Variants in CEP170B observed in about 807,000 individuals in gnomAD.
CEP170B encodes the protein centrosomal protein 170B.
A neutral mutation model predicts 120.6 loss-of-function variants in CEP170B; 55 were observed. That is an observed-to-expected ratio of 0.46 (90% CI 0.37 to 0.57). CEP170B has a LOEUF of 0.57. CEP170B is among the 20% of genes least tolerant of loss of function. The pLI is 0.00. For missense variants in CEP170B, 2,212 were observed against 2,253.3 expected, an observed-to-expected ratio of 0.98 and a Z score of 0.37; for synonymous variants, 1,033 against 954.5, an observed-to-expected ratio of 1.08 and a Z score of -1.52.
chr14:104,892,304 T>C (rs1896884833), intron 13 of CEP170B, among the ~76,000 whole-genome samples: 2 of 152,042 alleles, frequency 1.3e-5, no homozygotes, highest in South Asian at 2.1e-4. Flanking sequence ...CTGGGAAGTG[T>C]CTGTTACCTC....
Position 104,889,702 on chromosome 14 carries a change from G to A in CEP170B, c.3822G>A (p.Glu1274=), listed in dbSNP as rs200198379. The A allele has an allele frequency of 7.8e-5, 126 of 1,612,144 alleles. No individual in the cohort carries two copies. Among genetic ancestry groups the A allele is most frequent in the Middle Eastern group, 3.3e-4 (2 of 6,060 alleles). The change falls in exon 13 of 19, where the codon GAG becomes GAA. Residue 1274 remains glutamate (E), a synonymous_variant. Transcript: ENST00000414716. ...PGPRDTDDDE[E]EPDPYGFIVQ... is the part of the protein sequence containing the mutation. ...CCCGGGACACGGACGACGATGAGGA[G>A]GAGCCTGACCCTTATGGTTTCATCG... is the stretch of plus-strand genomic sequence containing the variant.
intron 13 of CEP170B, among the ~76,000 whole-genome samples, 188 bp downstream of exon 13, chr14:104,889,946 AT>A (rs1566872497): frequency 9.7e-5 from 5 of 51,384 alleles, no homozygotes; most frequent in Non-Finnish European, 1.6e-4. Context: ...GGATGGATGG[AT>A]GGATGAATGG....
In CEP170B at chr14:104,894,984, C is replaced by T; in HGVS notation, c.*26C>T. On this transcript the variant is annotated 3_prime_UTR_variant, in exon 19 of 19. Coordinates refer to ENST00000414716, the MANE Select transcript of CEP170B (RefSeq NM_001112726.3). ...GCCCCAGACCTGGCCAGGCCAGCCT[C>T]CCTGTGCGTGTGCGTCTCTGCCTTC... The T allele has an allele frequency of 6.6e-7, 1 of 1,520,848 alleles. No individual in the cohort carries two copies. Among genetic ancestry groups the T allele is most frequent in the African/African-American group, 1.4e-5 (1 of 72,738 alleles). The allele number at this position is 1,520,848 out of a possible 1,614,324, so 94.2% of individuals were successfully genotyped here.
At chr14:104,869,181 A>G (rs1895345498) in intron 2 of CEP170B, among the ~76,000 whole-genome samples, 1 of 152,198 alleles carries the variant, frequency 6.6e-6, no homozygotes, top group South Asian at 2.1e-4. Flanking sequence ...AACAAAGAGC[A>G]GGGGTGGTGA....
chr14:104,889,412 CCTGCAGCA>C, intron 12 of CEP170B, 200 bp from the exon 13 acceptor site: 1 of 1,309,828 alleles, frequency 7.6e-7, no homozygotes, highest in Non-Finnish European at 1.0e-6. Flanking sequence ...GCTGCCCAGC[CCTGCAGCA>C]CTGAGCCCTC....
intron 10 of CEP170B, 78 bp downstream of exon 10, chr14:104,885,620 G>A: frequency 6.7e-7 from 1 of 1,487,342 alleles, no homozygotes; most frequent in Non-Finnish European, 8.9e-7. Flanking sequence ...GGGGTCAGCG[G>A]GCCCCCCATG....
chr14:104,885,265 C>A, intron 9 of CEP170B, 104 bp from the exon 10 acceptor site: 1 of 1,335,386 alleles, frequency 7.5e-7, no homozygotes, highest in Non-Finnish European at 1.0e-6. Flanking sequence ...TCTGGCCAAC[C>A]AGGTCCCTGC....
Position 104,876,343 on chromosome 14 carries a change from G to A in CEP170B, c.193G>A (p.Gly65Arg). 6.4e-7 allele frequency: 1 copy of A among 1,550,788 alleles called. No homozygotes were observed. Among genetic ancestry groups the A allele is most frequent in the Non-Finnish European group, 8.7e-7 (1 of 1,146,758 alleles). The change falls in exon 3 of 19, where the codon GGG becomes AGG. Residue 65 changes from glycine (G) to arginine (R), a missense_variant and splice_region_variant. By Grantham distance (125) the Gly-to-Arg change is moderately radical (BLOSUM62 -2). This residue lies in a region of CEP170B where 2,166 missense variants were observed against 2,166.7 expected (regional missense o/e 1.00). Transcript: ENST00000414716. The stretch of plus-strand genomic sequence containing the variant: ...GGTGAAGGACCTGGGCAGCCTCAAT[G>A]GGGTAAGTGTGAGAGGCCCTGGCCT... Reference protein sequence around the residue: ...HWVKDLGSLNGTFVNDMRIPD... With the variant: ...HWVKDLGSLNRTFVNDMRIPD...
At position 104,884,090 on chromosome 14, in the gene CEP170B, C is replaced by T. The variant is rs1341432351; in HGVS notation, c.1311C>T (p.Gly437=). 1 of 1,592,944 alleles carries T rather than the reference C, an allele frequency of 6.3e-7. No homozygotes were observed. The highest frequency in any genetic ancestry group is 2.3e-5 in the East Asian group (1 of 44,060). ...ACCCCAAGGCCGACAAGCGCCGTGG[C>T]CCAACGCCGGCCGATAGGGACCGCC... ...SGDPKADKRR[G]PTPADRDRPS... is the part of the protein sequence containing the mutation. The change falls in exon 9 of 19, where the codon GGC becomes GGT. Residue 437 remains glycine, a synonymous_variant. Transcript: ENST00000414716.
Position 104,883,705 on chromosome 14 carries a change from G to A in CEP170B, c.1052-126G>A, listed in dbSNP as rs72700188. The A allele has an allele frequency of 1.8e-4, 196 of 1,117,344 alleles. 5 individuals are homozygous for A. The highest frequency in any genetic ancestry group is 1.6e-3 in the East Asian group (62 of 38,794). The allele number at this position is 1,117,344 out of a possible 1,614,324, so 69.2% of individuals were successfully genotyped here. On this transcript the variant is annotated intron_variant, in intron 8 of 18. Coordinates refer to ENST00000414716, the MANE Select transcript of CEP170B (RefSeq NM_001112726.3). ...CCCGTTGCACTTCTTTGCCCTGTGTGGGGGGGCCCTGAGGGCTGGGGTGCT... is the reference window on the plus strand; with the variant it reads ...CCCGTTGCACTTCTTTGCCCTGTGTAGGGGGGCCCTGAGGGCTGGGGTGCT...
rs370522138 is a variant in CEP170B, at chr14:104,877,941, C to A, written c.252C>A (p.Asn84Lys). ...PDQKYVTLKL[N>K]DVIRFGYDSN... ...AGAAGTACGTCACGCTGAAGCTCAA[C>A]GATGTCATCCGCTTCGGCTACGATA... is the stretch of plus-strand genomic sequence containing the variant. Residue 84 changes from asparagine (N) to lysine (K), a missense_variant, in exon 4 of 19, where the codon AAC (asparagine) becomes AAA (lysine). Physicochemically the swap from Asn to Lys is moderately conservative, Grantham distance 94. Around this residue, in one of 2 missense-constraint regions of CEP170B, gnomAD observed 2,166 missense variants for 2,166.7 expected, o/e 1.00. Coordinates refer to ENST00000414716, the MANE Select transcript of CEP170B (RefSeq NM_001112726.3). 2 of 1,597,510 alleles carry A rather than the reference C, an allele frequency of 1.3e-6. No individual in the cohort carries two copies. Among genetic ancestry groups the A allele is most frequent in the African/African-American group, 2.7e-5 (2 of 73,964 alleles).
At chr14:104,882,220 G>A (rs1003375059) in intron 6 of CEP170B, among the ~76,000 whole-genome samples, 2 of 150,726 alleles carry the variant, frequency 1.3e-5, no homozygotes, top group Admixed American at 6.6e-5. Context: ...AATGCCGCAG[G>A]GACCATGTAG....
chr14:104,877,349 G>A (rs67605404), intron 3 of CEP170B, among the ~76,000 whole-genome samples: 9,524 of 152,206 alleles, frequency 0.063, 435 homozygotes, highest in African/African-American at 0.12. Flanking sequence ...GGCCCTGCAT[G>A]GTTGGCTACT....
At chr14:104,893,440 G>A in intron 14 of CEP170B, 83 bp from the exon 15 acceptor site, 2 of 1,488,962 alleles carry the variant, frequency 1.3e-6, no homozygotes, top group Non-Finnish European at 1.8e-6. Context: ...CTGTCCACCT[G>A]CCGGGCCGGA....
chr14:104,894,598 G>A lies in CEP170B; in HGVS notation c.4417+10G>A, dbSNP rs778133264. 1 of 1,610,760 alleles carries A rather than the reference G, an allele frequency of 6.2e-7. No individual in the cohort carries two copies. On this transcript the variant is annotated intron_variant, in intron 18 of 18. Transcript: ENST00000414716. ...CAGAAACAGCTGGAAGGTGAGTGTG[G>A]CCCAAGCCTGGGGCAGCAAGGGAGG...
Position 104,883,951 on chromosome 14 carries a change from A to G in CEP170B, c.1172A>G (p.Lys391Arg), listed in dbSNP as rs767706240. The G allele has an allele frequency of 1.4e-5, 23 of 1,607,024 alleles. No individual in the cohort carries two copies. Among genetic ancestry groups the G allele is most frequent in the Admixed American group, 3.4e-5 (2 of 59,328 alleles). ...CAGGTGCGGCTGCAGAGGCAGATCA[A>G]GCGGGACCCCCAGGAGCTACTACAT... ...GEQVRLQRQI[K>R]RDPQELLHNQ... is the part of the protein sequence containing the mutation. Residue 391 changes from lysine (K) to arginine (R), a missense_variant, in exon 9 of 19, where the codon AAG (lysine) becomes AGG (arginine). By Grantham distance (26) the Lys-to-Arg change is conservative. Transcript: ENST00000414716.
At chr14:104,880,649 C>T (rs1193066681) in intron 6 of CEP170B, among the ~76,000 whole-genome samples, 3 of 151,422 alleles carry the variant, frequency 2.0e-5, no homozygotes, top group South Asian at 4.2e-4. Flanking sequence ...CACACCTACC[C>T]GTGCATGCCT....
intron 6 of CEP170B, among the ~76,000 whole-genome samples, chr14:104,882,486 G>A (rs528921671): frequency 6.6e-6 from 1 of 152,074 alleles, no homozygotes; most frequent in Non-Finnish European, 1.5e-5. Context: ...CAGGCAGGCA[G>A]GGAGCCTCTA....
chr14:104,884,298 T>C lies in CEP170B; in HGVS notation c.1519T>C (p.Cys507Arg). Residue 507 changes from cysteine (C) to arginine (R), a missense_variant, in exon 9 of 19, where the codon TGT becomes CGT. Coordinates refer to ENST00000414716, the MANE Select transcript of CEP170B (RefSeq NM_001112726.3). ...SRLAQDFMAQ[C>R]LRESSPAARP... ...CCTGGCCCAGGACTTCATGGCCCAG[T>C]GTCTGCGGGAGAGCTCCCCGGCCGC... 1 of 1,543,836 alleles carries C rather than the reference T, an allele frequency of 6.5e-7. No homozygotes were observed. The highest frequency in any genetic ancestry group is 8.7e-7 in the Non-Finnish European group (1 of 1,145,148).
Sources: allele counts gnomAD v4.1 joint callset (sites outside exome capture counted in the v4.1 genomes callset), GRCh38; gene constraint gnomAD v4.1.1; regional missense constraint gnomAD v4.1.1; transcripts MANE v1.5; gene names NCBI Gene and HGNC (gene_info 2026-07-23, HGNC 2026-07-21).